KIAA1328: variants seen among roughly 807,000 people sequenced by gnomAD.
The protein encoded by KIAA1328 is KIAA1328, also known as protein hinderin.
A neutral mutation model predicts 68.1 loss-of-function variants in KIAA1328; 52 were observed. The observed-to-expected ratio is 0.76, with a 90% CI of 0.61 to 0.96. The LOEUF (loss-of-function observed/expected upper bound fraction) is 0.96, where lower values mean the gene tolerates loss of function less well. Ranked by LOEUF, KIAA1328 falls within the 40% of genes least tolerant of loss-of-function variation. The pLI is 0.00. For synonymous variants in KIAA1328, 232 were observed against 239.4 expected (o/e 0.97, Z 0.28); for missense variants, 641 against 677.6 (o/e 0.95, Z 0.60).
intron 6 of KIAA1328, among the ~76,000 whole-genome samples, chr18:37,026,750 A>G (rs182342857): frequency 3.0e-4 from 45 of 152,326 alleles, no homozygotes; most frequent in African/African-American, 1.1e-3. Context: ...TTTTATGACA[A>G]ACCCACAGCC....
chr18:37,020,732 A>G (rs377029403), intron 6 of KIAA1328, among the ~76,000 whole-genome samples: 1 of 152,188 alleles, frequency 6.6e-6, no homozygotes, highest in East Asian at 1.9e-4. Context: ...TCACCTTTTA[A>G]AGGAATGGCC....
intron 6 of KIAA1328, among the ~76,000 whole-genome samples, chr18:37,026,722 C>G (rs1424110622): frequency 6.6e-6 from 1 of 152,096 alleles, no homozygotes; most frequent in Non-Finnish European, 1.5e-5. Context: ...TGGGATGTAT[C>G]TGAAAATCAT....
At chr18:36,880,373 G>T (rs1486935686) in intron 4 of KIAA1328, among the ~76,000 whole-genome samples, 1 of 152,182 alleles carries the variant, frequency 6.6e-6, no homozygotes, top group Non-Finnish European at 1.5e-5. Context: ...GTCCCAGTGA[G>T]ATGAATCAGG....
intron 7 of KIAA1328, among the ~76,000 whole-genome samples, chr18:37,068,425 G>T (rs1005336460): frequency 1.3e-5 from 2 of 152,172 alleles, no homozygotes; most frequent in Admixed American, 6.5e-5. Flanking sequence ...TGCTTCAAAA[G>T]ATAAATTGCT....
At chr18:37,092,042 C>T (rs1048466163) in intron 7 of KIAA1328, among the ~76,000 whole-genome samples, 1 of 152,090 alleles carries the variant, frequency 6.6e-6, no homozygotes, top group Non-Finnish European at 1.5e-5. Flanking sequence ...TACCCACTAC[C>T]AGCAGTGCCC....
intron 7 of KIAA1328, among the ~76,000 whole-genome samples, chr18:37,079,439 C>A (rs1385420333): frequency 6.8e-6 from 1 of 146,576 alleles, no homozygotes; most frequent in Non-Finnish European, 1.5e-5. Flanking sequence ...ATGTAACTAA[C>A]CTGCACATTG....
rs112740428 is a variant in KIAA1328, at chr18:36,956,543, T to TGGGGG, written c.449-2759_449-2755dup. 2.8e-3 allele frequency among the ~76,000 whole-genome samples: 389 copies of TGGGGG among 136,866 alleles called. 4 individuals are homozygous for TGGGGG. Among genetic ancestry groups the TGGGGG allele is most frequent in the African/African-American group, 0.01 (366 of 35,382 alleles). 89.8% of individuals were successfully genotyped at this position (136,866 alleles called of 152,430 possible). Reference sequence around the variant, plus strand: ...CTCATTGTGCTAAGGAGGAAGGAAGTGGGGGGGGGGTGCATTTAGAAATCT... The same window carrying TGGGGG: ...CTCATTGTGCTAAGGAGGAAGGAAGTGGGGGGGGGGGGGGGTGCATTTAGAAATCT... On this transcript the variant is annotated intron_variant, in intron 5 of 9. Coordinates refer to ENST00000280020, the MANE Select transcript of KIAA1328 (RefSeq NM_020776.3).
At chr18:36,897,752 A>G (rs1265955450) in intron 5 of KIAA1328, among the ~76,000 whole-genome samples, 3 of 152,076 alleles carry the variant, frequency 2.0e-5, no homozygotes, top group Admixed American at 6.6e-5. Flanking sequence ...GGGTGAGAGG[A>G]GGCTTTAATA....
chr18:37,210,719 A>G (rs913671735), intron 9 of KIAA1328, among the ~76,000 whole-genome samples: 2 of 152,218 alleles, frequency 1.3e-5, no homozygotes, highest in African/African-American at 4.8e-5. Flanking sequence ...CTTTTCTGAC[A>G]TTTAGTGTAA....
intron 7 of KIAA1328, among the ~76,000 whole-genome samples, chr18:37,133,601 C>T (rs907293018): frequency 1.3e-5 from 2 of 150,174 alleles, no homozygotes; most frequent in African/African-American, 4.9e-5. Flanking sequence ...TCTCTGCTCA[C>T]TGCAAGCTCC....
intron 4 of KIAA1328, among the ~76,000 whole-genome samples, chr18:36,881,961 A>G (rs1275786615): frequency 6.6e-6 from 1 of 152,158 alleles, no homozygotes; most frequent in Non-Finnish European, 1.5e-5. Flanking sequence ...TTGAGTATCT[A>G]TGAGTAGAAT....
chr18:37,170,758 G>A (rs775837016), intron 8 of KIAA1328, among the ~76,000 whole-genome samples: 1 of 152,024 alleles, frequency 6.6e-6, no homozygotes, highest in Non-Finnish European at 1.5e-5. Context: ...CTTATAGCTC[G>A]GTGACCTTGG....
At chr18:37,143,059 A>G (rs984396980) in intron 7 of KIAA1328, among the ~76,000 whole-genome samples, 21 of 151,836 alleles carry the variant, frequency 1.4e-4, no homozygotes, top group African/African-American at 4.8e-4. Context: ...GGCTCAAGCA[A>G]TTCTCGTGCC....
chr18:37,158,601 A>T (rs2059208647), intron 7 of KIAA1328, among the ~76,000 whole-genome samples: 1 of 152,216 alleles, frequency 6.6e-6, no homozygotes, highest in African/African-American at 2.4e-5. Context: ...GAGGAATAGT[A>T]GATGGGTGAA....
chr18:37,220,017 T>C (rs1477639091), intron 9 of KIAA1328, among the ~76,000 whole-genome samples: 1 of 152,252 alleles, frequency 6.6e-6, no homozygotes, highest in Non-Finnish European at 1.5e-5. Flanking sequence ...TTTCTGTTGA[T>C]GCAACTGACA....
chr18:36,833,105 G>T (rs2046552099), intron 1 of KIAA1328: 2 of 152,108 alleles, frequency 1.3e-5, no homozygotes, highest in Non-Finnish European at 2.9e-5. Flanking sequence ...GCCTCCCAAA[G>T]TGCTGGGATT....
At chr18:37,041,632 TTTTGTG>T (rs1200600771) in intron 6 of KIAA1328, among the ~76,000 whole-genome samples, 71 of 106,204 alleles carry the variant, frequency 6.7e-4, no homozygotes, top group Admixed American at 1.3e-3. Flanking sequence ...TTACTGCCTT[TTTTGTG>T]TTTGTGTGTG....
intron 4 of KIAA1328, among the ~76,000 whole-genome samples, chr18:36,861,947 A>C (rs913787260): frequency 6.6e-6 from 1 of 152,196 alleles, no homozygotes; most frequent in African/African-American, 2.4e-5. Context: ...CTGGGATTGC[A>C]GGCGTGAGTC....
At chr18:36,992,729 A>G (rs900581858) in intron 6 of KIAA1328, among the ~76,000 whole-genome samples, 2 of 152,180 alleles carry the variant, frequency 1.3e-5, no homozygotes, top group African/African-American at 2.4e-5. Flanking sequence ...AACCAGCCAC[A>G]TAAAGAGCCA....
Sources: gnomAD v4.1 joint callset for allele counts (sites outside exome capture counted in the v4.1 genomes callset) on GRCh38, gnomAD v4.1.1 for gene constraint, MANE v1.5 for transcripts, NCBI Gene and HGNC (gene_info 2026-07-23, HGNC 2026-07-21) for gene names.